The following FSTL1 variants were observed in gnomAD, a reference collection of about 807,000 sequenced individuals.
FSTL1 encodes follistatin-related protein 1.
FSTL1 carries 24 observed loss-of-function variants against 45.9 expected under a neutral mutation model. That is an observed-to-expected ratio of 0.52 (90% CI 0.38 to 0.74). FSTL1 has a LOEUF of 0.74. Ranked by LOEUF, FSTL1 falls within the 30% of genes least tolerant of loss-of-function variation. The pLI is 0.00. For missense variants in FSTL1, 340 were observed against 381.8 expected, an observed-to-expected ratio of 0.89 and a Z score of 0.91; for synonymous variants, 120 against 137.6, an observed-to-expected ratio of 0.87 and a Z score of 0.89.
chr3:120,397,007 CA>C lies in FSTL1; in HGVS notation c.883-12del. The C allele has an allele frequency of 6.2e-7, 1 of 1,604,906 alleles. No homozygotes were observed. Among genetic ancestry groups the C allele is most frequent in the Non-Finnish European group, 8.5e-7 (1 of 1,171,792 alleles). ...CTTTTCAGCTGTTTCCTTTGAGATG[CA>C]AGAGAAAATAGGCGTCATGGAAATA... On this transcript the variant is annotated splice_polypyrimidine_tract_variant and intron_variant, in intron 10 of 10. Coordinates refer to ENST00000295633, the MANE Select transcript of FSTL1 (RefSeq NM_007085.5).
intron 4 of FSTL1, 71 bp from the exon 5 acceptor site, chr3:120,411,055 A>T: frequency 1.9e-6 from 2 of 1,036,452 alleles, no homozygotes; most frequent in Non-Finnish European, 2.9e-6. Flanking sequence ...TATTTCTAGG[A>T]TTACAGCTGC....
intron 2 of FSTL1, among the ~76,000 whole-genome samples, chr3:120,439,622 A>G (rs1937607595): frequency 6.6e-6 from 1 of 152,214 alleles, no homozygotes; most frequent in Admixed American, 6.5e-5. Flanking sequence ...CACATCAGTT[A>G]GAAAAAAATG....
In FSTL1 at chr3:120,400,881, C is replaced by T. The variant is rs561175540; in HGVS notation, c.806-922G>A. On this transcript the variant is annotated intron_variant, in intron 9 of 10. Coordinates refer to ENST00000295633, the MANE Select transcript of FSTL1 (RefSeq NM_007085.5). ...GCACCACCATCTAACATGGGTTGCTCCATGTTATACCCACATAGAGTTCTG... is the reference window on the plus strand; with the variant it reads ...GCACCACCATCTAACATGGGTTGCTTCATGTTATACCCACATAGAGTTCTG... 2.0e-5 allele frequency among the ~76,000 whole-genome samples: 3 copies of T among 152,344 alleles called. No individual in the cohort carries two copies. The South Asian group carries it at 6.2e-4, about 32-fold the overall frequency.
intron 2 of FSTL1, among the ~76,000 whole-genome samples, chr3:120,432,302 T>C (rs1937491041): frequency 6.6e-6 from 1 of 152,198 alleles, no homozygotes; most frequent in African/African-American, 2.4e-5. Context: ...TCTTGAGACA[T>C]TCCTGCCTTG....
chr3:120,416,889 G>A lies in FSTL1; in HGVS notation c.64-862C>T, dbSNP rs552128444. Among the ~76,000 whole-genome samples, 3 of 152,326 alleles carry A rather than the reference G, an allele frequency of 2.0e-5. No individual in the cohort carries two copies. In the South Asian group the frequency reaches 6.2e-4, roughly 32 times the overall value. On this transcript the variant is annotated intron_variant, in intron 2 of 10. Coordinates refer to ENST00000295633, the MANE Select transcript of FSTL1 (RefSeq NM_007085.5). ...GTGTATGCCACCTGAGAATGTGGGG[G>A]TATTGACAGGCACTGATCTGTTGGT...
At chr3:120,420,600 C>A (rs1300680610) in intron 2 of FSTL1, among the ~76,000 whole-genome samples, 1 of 152,202 alleles carries the variant, frequency 6.6e-6, no homozygotes, top group Non-Finnish European at 1.5e-5. Flanking sequence ...TGGGAACATT[C>A]CTGACTTTTT....
chr3:120,413,643 A>G (rs1415443193), intron 3 of FSTL1, among the ~76,000 whole-genome samples: 1 of 151,874 alleles, frequency 6.6e-6, no homozygotes, highest in East Asian at 1.9e-4. Flanking sequence ...TTTCCAGGCT[A>G]TGGGTTGTTT....
chr3:120,444,687 A>G (rs779899350), intron 2 of FSTL1, among the ~76,000 whole-genome samples: 2 of 149,988 alleles, frequency 1.3e-5, no homozygotes, highest in African/African-American at 2.5e-5. Flanking sequence ...AAATATGAAA[A>G]TAAAATATGC....
At chr3:120,404,747 A>G (rs1447615218) in intron 7 of FSTL1, 106 bp downstream of exon 7, 7 of 719,788 alleles carry the variant, frequency 9.7e-6, no homozygotes, top group Non-Finnish European at 1.8e-5. Context: ...TTTTTACGTG[A>G]CATTCTCTCA....
intron 7 of FSTL1, 90 bp from the exon 8 acceptor site, chr3:120,403,444 G>A: frequency 2.7e-6 from 2 of 747,310 alleles, no homozygotes; most frequent in East Asian, 2.5e-5. Flanking sequence ...TACACCCAGG[G>A]CCTCCACAGG....
chr3:120,448,253 A>C (rs542439661), intron 2 of FSTL1, among the ~76,000 whole-genome samples: 25 of 152,386 alleles, frequency 1.6e-4, no homozygotes, highest in Non-Finnish European at 3.5e-4. Flanking sequence ...TAGCGATTTG[A>C]AGTTTACTAA....
chr3:120,422,696 T>C (rs953328953), intron 2 of FSTL1, among the ~76,000 whole-genome samples: 1 of 150,714 alleles, frequency 6.6e-6, no homozygotes, highest in Non-Finnish European at 1.5e-5. Context: ...TGTCAATCAA[T>C]AATTTTTTTT....
chr3:120,419,519 G>A (rs1336694961), intron 2 of FSTL1: 1 of 152,196 alleles, frequency 6.6e-6, no homozygotes, highest in Non-Finnish European at 1.5e-5. Flanking sequence ...CTTGAGAGGG[G>A]TTGAACATGC....
chr3:120,440,736 G>T (rs1379631387), intron 2 of FSTL1, among the ~76,000 whole-genome samples: 1 of 152,234 alleles, frequency 6.6e-6, no homozygotes, highest in Non-Finnish European at 1.5e-5. Context: ...AGTGTATTGA[G>T]ACTTTGTGCA....
rs764801393 is a variant in FSTL1 at position 120,397,009 on chromosome 3, A to C, written c.883-13T>G. 3.1e-6 allele frequency: 5 copies of C among 1,599,954 alleles called. No individual in the cohort carries two copies. The highest frequency in any genetic ancestry group is 4.3e-6 in the Non-Finnish European group (5 of 1,167,248). ...TTTCAGCTGTTTCCTTTGAGATGCAAGAGAAAATAGGCGTCATGGAAATAT... is the reference window on the plus strand; with the variant it reads ...TTTCAGCTGTTTCCTTTGAGATGCACGAGAAAATAGGCGTCATGGAAATAT... On this transcript the variant is annotated splice_polypyrimidine_tract_variant and intron_variant, in intron 10 of 10. Transcript: ENST00000295633.
At chr3:120,426,464 T>A (rs1467052008) in intron 2 of FSTL1, among the ~76,000 whole-genome samples, 1 of 152,134 alleles carries the variant, frequency 6.6e-6, no homozygotes, top group Non-Finnish European at 1.5e-5. Flanking sequence ...GGATATCGCC[T>A]AAGAGGTATC....
At chr3:120,443,957 A>G (rs1296457965) in intron 2 of FSTL1, among the ~76,000 whole-genome samples, 1 of 150,080 alleles carries the variant, frequency 6.7e-6, no homozygotes, top group East Asian at 1.9e-4. Flanking sequence ...GCTGTTATCT[A>G]TGACAGCAGC....
At chr3:120,407,165 GT>G (rs997843186) in intron 6 of FSTL1, among the ~76,000 whole-genome samples, 4 of 152,208 alleles carry the variant, frequency 2.6e-5, no homozygotes, top group African/African-American at 9.7e-5. Flanking sequence ...CTGTAGGGTT[GT>G]GGAAAGGCAG....
chr3:120,429,958 A>T (rs1259298), intron 2 of FSTL1, among the ~76,000 whole-genome samples: 44,304 of 152,122 alleles, frequency 0.29, 6,993 homozygotes, highest in Middle Eastern at 0.43. Flanking sequence ...GACCTAATAT[A>T]TCTGCCCCTG....
Sources: allele counts gnomAD v4.1 joint callset (sites outside exome capture counted in the v4.1 genomes callset), GRCh38; gene constraint gnomAD v4.1.1; transcripts MANE v1.5; gene names NCBI Gene and HGNC (gene_info 2026-07-23, HGNC 2026-07-21).